TMEM200A: variants seen among roughly 807,000 people sequenced by gnomAD.
TMEM200A encodes the protein transmembrane protein 200A.
Under a neutral mutation model 24.3 loss-of-function variants are expected in TMEM200A, and 12 were observed. The observed-to-expected ratio is 0.49, with a 90% CI of 0.32 to 0.80. TMEM200A has a LOEUF of 0.80. Among genes scored for constraint, TMEM200A ranks in the 30% least tolerant of loss-of-function variants. TMEM200A has a pLI of 0.04. For missense variants in TMEM200A, 545 were observed against 614.4 expected (o/e 0.89, Z 1.19); for synonymous variants, 224 against 224.4 (o/e 1.00, Z 0.02).
chr6:130,374,572 C>A (rs543027934), intron 1 of TMEM200A, among the ~76,000 whole-genome samples: 9 of 151,942 alleles, frequency 5.9e-5, no homozygotes, highest in African/African-American at 2.2e-4. Context: ...CACACCACCA[C>A]GCCAGGCTAA....
At chr6:130,376,116 C>T (rs1357489124) in intron 1 of TMEM200A, among the ~76,000 whole-genome samples, 2 of 151,896 alleles carry the variant, frequency 1.3e-5, no homozygotes, top group African/African-American at 4.8e-5. Context: ...CTGAGCCTAG[C>T]ATATTGACTT....
chr6:130,374,345 A>G (rs1019023288), intron 1 of TMEM200A, among the ~76,000 whole-genome samples: 1 of 151,934 alleles, frequency 6.6e-6, no homozygotes, highest in Non-Finnish European at 1.5e-5. Context: ...TCCCTAGCAG[A>G]TGACCTTAGA....
At chr6:130,371,495 C>G (rs773260118) in intron 1 of TMEM200A, among the ~76,000 whole-genome samples, 9 of 152,098 alleles carry the variant, frequency 5.9e-5, no homozygotes, top group Non-Finnish European at 1.5e-5. Context: ...TTCACTGTAT[C>G]AGGCCAAACT....
rs142588659 is a variant in TMEM200A at position 130,420,759 on chromosome 6, T to C, written c.-16-19648T>C. On this transcript the variant is annotated intron_variant, in intron 2 of 2. Coordinates refer to ENST00000296978, the MANE Select transcript of TMEM200A (RefSeq NM_001258277.2). Reference sequence around the variant, plus strand: ...CAGACTGAGTGAACAACAAAAAACGTTGTCCCATTTAAAGGAATTCTAGGT... The same window carrying C: ...CAGACTGAGTGAACAACAAAAAACGCTGTCCCATTTAAAGGAATTCTAGGT... Among the ~76,000 whole-genome samples the C allele has an allele frequency of 9.1e-4, 139 of 152,218 alleles. 1 individual carries two copies. In the East Asian group the frequency reaches 0.014, roughly 16 times the overall value.
At chr6:130,403,741 G>A (rs574925535) in intron 2 of TMEM200A, among the ~76,000 whole-genome samples, 4 of 151,808 alleles carry the variant, frequency 2.6e-5, no homozygotes, top group East Asian at 1.9e-4. Context: ...TGTGTCATGC[G>A]GGTTTGTTGT....
intron 2 of TMEM200A, among the ~76,000 whole-genome samples, chr6:130,426,471 C>CCG (rs878942964): frequency 3.3e-5 from 5 of 149,312 alleles, no homozygotes; most frequent in Admixed American, 1.3e-4. Flanking sequence ...CCCCCCCCCC[C>CCG]TCAGTTTCCC....
At chr6:130,414,431 C>CAAAAA (rs11317905) in intron 2 of TMEM200A, among the ~76,000 whole-genome samples, 1 of 57,886 alleles carries the variant, frequency 1.7e-5, no homozygotes, top group Non-Finnish European at 4.3e-5. Flanking sequence ...GACTCCATCT[C>CAAAAA]AAAAAAAAAA....
At chr6:130,415,762 G>A (rs1452306639) in intron 2 of TMEM200A, among the ~76,000 whole-genome samples, 1 of 152,162 alleles carries the variant, frequency 6.6e-6, no homozygotes, top group African/African-American at 2.4e-5. Context: ...TCTGTGATAT[G>A]ATGTGTAGCT....
At chr6:130,392,142 A>G (rs1381169104) in intron 2 of TMEM200A, among the ~76,000 whole-genome samples, 1 of 152,080 alleles carries the variant, frequency 6.6e-6, no homozygotes, top group African/African-American at 2.4e-5. Flanking sequence ...CCTACCCTCT[A>G]TCTCATTTTC....
At chr6:130,380,180 T>C (rs1172193707) in intron 1 of TMEM200A, among the ~76,000 whole-genome samples, 1 of 152,220 alleles carries the variant, frequency 6.6e-6, no homozygotes, top group Non-Finnish European at 1.5e-5. Context: ...TAGTTGTTGA[T>C]ACTGTCAGAA....
At chr6:130,395,923 C>G (rs553534848) in intron 2 of TMEM200A, among the ~76,000 whole-genome samples, 1 of 152,244 alleles carries the variant, frequency 6.6e-6, no homozygotes, top group Admixed American at 6.5e-5. Flanking sequence ...GGTCATAGTG[C>G]CTTTAGTGGC....
intron 2 of TMEM200A, among the ~76,000 whole-genome samples, chr6:130,428,519 A>G (rs1486763518): frequency 6.6e-6 from 1 of 152,054 alleles, no homozygotes; most frequent in African/African-American, 2.4e-5. Context: ...CTCTGACAGC[A>G]ACTCTGAACC....
chr6:130,365,683 C>G (rs572182640), upstream of TMEM200A: 105 of 985,500 alleles, frequency 1.1e-4, no homozygotes, highest in Middle Eastern at 3.1e-3. Context: ...TCCGTTTCCG[C>G]ACGCCAGCCT....
chr6:130,400,818 C>G lies in TMEM200A; in HGVS notation c.-17+15582C>G, dbSNP rs533426376. Among the ~76,000 whole-genome samples the G allele has an allele frequency of 7.9e-5, 12 of 152,042 alleles. No homozygotes were observed. In the South Asian group the frequency reaches 1.9e-3, roughly 24 times the overall value. On this transcript the variant is annotated intron_variant, in intron 2 of 2. Coordinates refer to ENST00000296978, the MANE Select transcript of TMEM200A (RefSeq NM_001258277.2). ...CCTCTTTTTGACATAATTGACTGTC[C>G]GGGGCACAGACTCTATTCTAGGGTT...
intron 2 of TMEM200A, among the ~76,000 whole-genome samples, chr6:130,429,733 C>T (rs1779830477): frequency 6.6e-6 from 1 of 152,016 alleles, no homozygotes. Context: ...GACTTGAAAC[C>T]ATCCATGAAC....
intron 2 of TMEM200A, among the ~76,000 whole-genome samples, chr6:130,417,881 T>C (rs1250584716): frequency 1.3e-5 from 2 of 152,122 alleles, no homozygotes; most frequent in African/African-American, 2.4e-5. Flanking sequence ...CGCATATGTA[T>C]ACTCAAAGTC....
At position 130,389,376 on chromosome 6, in the gene TMEM200A, C is replaced by T. The variant is rs572070719; in HGVS notation, c.-17+4140C>T. The stretch of plus-strand genomic sequence containing the variant: ...AAGTGTAGATTTTGAAACGGGCAGT[C>T]TCTTGACACTGTGTCACGTCTTCCC... On this transcript the variant is annotated intron_variant, in intron 2 of 2. Coordinates refer to ENST00000296978, the MANE Select transcript of TMEM200A (RefSeq NM_001258277.2). Among the ~76,000 whole-genome samples, 4 of 151,840 alleles carry T rather than the reference C, an allele frequency of 2.6e-5. No individual in the cohort carries two copies. The East Asian group carries it at 7.8e-4, about 29-fold the overall frequency.
At chr6:130,403,343 C>A (rs746398146) in intron 2 of TMEM200A, among the ~76,000 whole-genome samples, 12 of 151,996 alleles carry the variant, frequency 7.9e-5, no homozygotes, top group Non-Finnish European at 1.6e-4. Flanking sequence ...CACTTTCATA[C>A]CAAGTAGATT....
intron 1 of TMEM200A, among the ~76,000 whole-genome samples, chr6:130,377,621 T>A (rs1184983224): frequency 6.6e-6 from 1 of 152,210 alleles, no homozygotes; most frequent in African/African-American, 2.4e-5. Context: ...CAGTTTTGGA[T>A]TGAAGAGGCC....
Sources: gnomAD v4.1 joint callset for allele counts (sites outside exome capture counted in the v4.1 genomes callset) on GRCh38, gnomAD v4.1.1 for gene constraint, MANE v1.5 for transcripts, NCBI Gene and HGNC (gene_info 2026-07-23, HGNC 2026-07-21) for gene names.